The following OSBPL1A variants were observed in gnomAD, a reference collection of about 807,000 sequenced individuals.
The protein encoded by OSBPL1A is oxysterol binding protein like 1A, also known as oxysterol-binding protein-related protein 1.
Under a neutral mutation model 137.1 loss-of-function variants are expected in OSBPL1A, and 80 were observed. The ratio of observed to expected loss-of-function variants is 0.58; its 90% CI spans 0.49 to 0.70. OSBPL1A has a LOEUF of 0.70. OSBPL1A is among the 30% of genes least tolerant of loss of function. OSBPL1A has a pLI of 0.00. For missense variants in OSBPL1A, 970 were observed against 1,129.4 expected (o/e 0.86, Z 2.02); for synonymous variants, 365 against 389.7 (o/e 0.94, Z 0.75).
intron 4 of OSBPL1A, chr18:24,358,321 T>C (rs569378961): frequency 6.5e-6 from 4 of 611,202 alleles, no homozygotes; most frequent in South Asian, 5.9e-5. Flanking sequence ...AGGGACAACT[T>C]TGAAGCATCA....
At chr18:24,198,512 A>T (rs1025392563) in intron 17 of OSBPL1A, among the ~76,000 whole-genome samples, 1 of 152,172 alleles carries the variant, frequency 6.6e-6, no homozygotes, top group Admixed American at 6.5e-5. Flanking sequence ...GCAGAGGGGA[A>T]GGGGTTTTGA....
intron 17 of OSBPL1A, among the ~76,000 whole-genome samples, chr18:24,215,987 TGTAAA>T (rs1207502428): frequency 6.6e-6 from 1 of 152,206 alleles, no homozygotes; most frequent in Admixed American, 6.5e-5. Context: ...TATAAGTGTT[TGTAAA>T]GTAAACTTGA....
At chr18:24,166,799 C>T (rs1169950056) in intron 25 of OSBPL1A, 97 bp from the exon 26 acceptor site, 5 of 1,243,220 alleles carry the variant, frequency 4.0e-6, no homozygotes, top group South Asian at 3.0e-5. Context: ...ACAATGACCC[C>T]CTCCCTTTCA....
intron 17 of OSBPL1A, among the ~76,000 whole-genome samples, chr18:24,196,946 G>A (rs953912772): frequency 6.6e-6 from 1 of 152,204 alleles, no homozygotes; most frequent in African/African-American, 2.4e-5. Context: ...CAGGCCTGGT[G>A]GGCAGGGAGC....
intron 14 of OSBPL1A, among the ~76,000 whole-genome samples, chr18:24,282,907 A>G (rs911417668): frequency 6.6e-6 from 1 of 152,122 alleles, no homozygotes; most frequent in Non-Finnish European, 1.5e-5. Flanking sequence ...CCAGGAGTTC[A>G]AGACCAGCCT....
At chr18:24,241,889 A>T (rs1460380222) in intron 15 of OSBPL1A, among the ~76,000 whole-genome samples, 1 of 152,230 alleles carries the variant, frequency 6.6e-6, no homozygotes, top group African/African-American at 2.4e-5. Flanking sequence ...ATGCCCATCA[A>T]TGATAGACTG....
chr18:24,277,641 T>C (rs73392266), intron 15 of OSBPL1A, among the ~76,000 whole-genome samples: 16,916 of 152,190 alleles, frequency 0.11, 1,150 homozygotes, highest in African/African-American at 0.18. Flanking sequence ...TTTAATAAAA[T>C]TTCCAGATAA....
intron 18 of OSBPL1A, among the ~76,000 whole-genome samples, chr18:24,187,958 T>G (rs1157896286): frequency 6.6e-6 from 1 of 152,212 alleles, no homozygotes; most frequent in Non-Finnish European, 1.5e-5. Context: ...CCCTTCCTGT[T>G]TTCTCCATTT....
At chr18:24,285,927 C>T (rs1296720665) in intron 14 of OSBPL1A, among the ~76,000 whole-genome samples, 3 of 152,094 alleles carry the variant, frequency 2.0e-5, no homozygotes, top group Non-Finnish European at 4.4e-5. Flanking sequence ...GAGGCCGAGG[C>T]GTGCAGATCA....
intron 15 of OSBPL1A, among the ~76,000 whole-genome samples, chr18:24,262,044 A>G (rs894907048): frequency 2.0e-5 from 3 of 152,202 alleles, no homozygotes; most frequent in Non-Finnish European, 4.4e-5. Context: ...ATTCTTCTCT[A>G]TAAGCTCTAA....
intron 7 of OSBPL1A, among the ~76,000 whole-genome samples, chr18:24,324,853 C>T (rs1318409756): frequency 1.3e-5 from 2 of 150,474 alleles, no homozygotes; most frequent in Non-Finnish European, 1.5e-5. Flanking sequence ...TTTCAGAGGC[C>T]GAGGCAGGCA....
At chr18:24,285,368 T>C (rs2090050430) in intron 14 of OSBPL1A, among the ~76,000 whole-genome samples, 2 of 152,228 alleles carry the variant, frequency 1.3e-5, no homozygotes, top group Middle Eastern at 3.2e-3. Context: ...TTATTATATT[T>C]TACCTTAAAA....
intron 23 of OSBPL1A, 108 bp from the exon 24 acceptor site, chr18:24,170,561 G>A: frequency 8.0e-7 from 1 of 1,252,184 alleles, no homozygotes; most frequent in African/African-American, 1.5e-5. Context: ...AACCAGGCCT[G>A]ACCCTGCTTA....
chr18:24,207,172 C>CT (rs1183500322), intron 17 of OSBPL1A, among the ~76,000 whole-genome samples: 2 of 152,192 alleles, frequency 1.3e-5, no homozygotes, highest in Non-Finnish European at 2.9e-5. Context: ...CAACCTCCGC[C>CT]TCCCAGGTTC....
At chr18:24,214,314 C>A (rs2087630562) in intron 17 of OSBPL1A, among the ~76,000 whole-genome samples, 1 of 152,220 alleles carries the variant, frequency 6.6e-6, no homozygotes, top group African/African-American at 2.4e-5. Flanking sequence ...TCAGAGCTAA[C>A]TACCGTCATC....
chr18:24,225,377 T>C (rs2088040670), intron 16 of OSBPL1A, among the ~76,000 whole-genome samples, 179 bp from the exon 17 acceptor site: 1 of 152,154 alleles, frequency 6.6e-6, no homozygotes, highest in Non-Finnish European at 1.5e-5. Context: ...AATATAAGGC[T>C]GAAGTGGATT....
In OSBPL1A at chr18:24,303,622, T is replaced by A; in HGVS notation, c.1174+15A>T. 1 of 1,599,764 alleles carries A rather than the reference T, an allele frequency of 6.3e-7. No individual in the cohort carries two copies. Among genetic ancestry groups the A allele is most frequent in the Non-Finnish European group, 8.6e-7 (1 of 1,167,392 alleles). The stretch of plus-strand genomic sequence containing the variant: ...TGTTAAAGAGTGATTGTAGGGATAG[T>A]GCTTGTCTTTTTACCTTTAGCCATG... On this transcript the variant is annotated intron_variant, in intron 14 of 27. Coordinates refer to ENST00000319481, the MANE Select transcript of OSBPL1A (RefSeq NM_080597.4).
At chr18:24,384,640 T>C (rs1474974901) in intron 1 of OSBPL1A, among the ~76,000 whole-genome samples, 2 of 151,890 alleles carry the variant, frequency 1.3e-5, no homozygotes, top group Non-Finnish European at 2.9e-5. Flanking sequence ...GAGGCCAAGA[T>C]GGGCGGATCA....
intron 4 of OSBPL1A, among the ~76,000 whole-genome samples, chr18:24,351,897 C>T (rs1436816392): frequency 6.6e-6 from 1 of 152,120 alleles, no homozygotes; most frequent in African/African-American, 2.4e-5. Context: ...AAACATAGGC[C>T]CCTAAGTGGC....
Sources: allele counts gnomAD v4.1 joint callset (sites outside exome capture counted in the v4.1 genomes callset), GRCh38; gene constraint gnomAD v4.1.1; transcripts MANE v1.5; gene names NCBI Gene and HGNC (gene_info 2026-07-23, HGNC 2026-07-21).